The following GNB1L variants were observed in gnomAD, a reference collection of about 807,000 sequenced individuals.
The protein encoded by GNB1L is G protein subunit beta 1 like, also known as guanine nucleotide-binding protein subunit beta-like protein 1.
GNB1L carries 20 observed loss-of-function variants against 29.1 expected under a neutral mutation model. The observed-to-expected ratio is 0.69, with a 90% CI of 0.48 to 1.00. GNB1L has a LOEUF of 1.00. Ranked by LOEUF, GNB1L falls within the 50% of genes least tolerant of loss-of-function variation. The pLI is 0.00. For synonymous variants in GNB1L, 193 were observed against 206.5 expected (o/e 0.93, Z 0.56); for missense variants, 421 against 464.9 (o/e 0.91, Z 0.87).
intron 1 of GNB1L, 106 bp from the exon 2 acceptor site, chr22:19,854,645 A>G (rs1002983775): frequency 3.3e-5 from 5 of 152,496 alleles, no homozygotes; most frequent in Non-Finnish European, 7.3e-5. Context: ...GCCCCCACAA[A>G]CCCCCGGCGC....
chr22:19,851,850 G>A (rs547046193), intron 2 of GNB1L: 79 of 1,613,806 alleles, frequency 4.9e-5, no homozygotes, highest in Non-Finnish European at 6.2e-5. Context: ...TCGCAGACAC[G>A]GCTGATGTTG....
At chr22:19,809,350 G>A (rs1601329168) in intron 5 of GNB1L, among the ~76,000 whole-genome samples, 1 of 152,006 alleles carries the variant, frequency 6.6e-6, no homozygotes, top group South Asian at 2.1e-4. Context: ...CCAACTCCAG[G>A]GGAAAACCAT....
intron 4 of GNB1L, among the ~76,000 whole-genome samples, chr22:19,818,977 G>A (rs148608050): frequency 2.9e-4 from 44 of 152,262 alleles, no homozygotes; most frequent in African/African-American, 1.0e-3. Flanking sequence ...AGCCCCTCAC[G>A]CACCTGCCCC....
At chr22:19,797,571 C>A (rs1299935800) in intron 7 of GNB1L, among the ~76,000 whole-genome samples, 1 of 152,202 alleles carries the variant, frequency 6.6e-6, no homozygotes, top group African/African-American at 2.4e-5. Context: ...GGAGCCTCGC[C>A]TGGCGAGGAG....
At chr22:19,848,528 C>T (rs1455187474) in intron 2 of GNB1L, 2 of 985,526 alleles carry the variant, frequency 2.0e-6, no homozygotes, top group South Asian at 4.7e-5. Context: ...CAGAGTCCAT[C>T]GTTGCCTCCA....
rs1938079175 is a variant in GNB1L at position 19,850,917 on chromosome 22, C to T, written c.-21+3526G>A. On this transcript the variant is annotated intron_variant, in intron 2 of 7. Coordinates refer to ENST00000329517, the MANE Select transcript of GNB1L (RefSeq NM_053004.3). The stretch of plus-strand genomic sequence containing the variant: ...AGCAGGCCTGGGTGAGACGGCACTC[C>T]CAGAAGACGGGCAGGGATGCAGCAG... 2.2e-6 allele frequency: 3 copies of T among 1,363,386 alleles called. No homozygotes were observed. In the South Asian group the frequency reaches 6.2e-5, roughly 28 times the overall value. 84.5% of individuals were successfully genotyped at this position (1,363,386 alleles called of 1,614,324 possible). A position where few individuals can be genotyped will look rare whatever the true frequency, so the allele number is the denominator to read the frequency against.
intron 7 of GNB1L, chr22:19,792,670 G>A (rs1477683595): frequency 1.1e-5 from 16 of 1,483,318 alleles, no homozygotes; most frequent in Admixed American, 1.7e-5. Context: ...GCTGGCAAAC[G>A]GGACGTCCCC....
chr22:19,820,514 T>G, intron 4 of GNB1L, 84 bp downstream of exon 4: 1 of 1,433,026 alleles, frequency 7.0e-7, no homozygotes, highest in Non-Finnish European at 9.6e-7. Context: ...ATTCTGCCCC[T>G]CAGTGGGGGA....
At chr22:19,824,910 G>A (rs910668278) in intron 2 of GNB1L, among the ~76,000 whole-genome samples, 5 of 152,222 alleles carry the variant, frequency 3.3e-5, no homozygotes, top group African/African-American at 1.2e-4. Flanking sequence ...ATGCCAGACA[G>A]GCCTCAGCTC....
In GNB1L at chr22:19,789,836, CAAA is replaced by C. The variant is rs574569982; in HGVS notation, c.733-879_733-877del. 4.3e-3 allele frequency among the ~76,000 whole-genome samples: 460 copies of C among 107,684 alleles called. 1 individual carries two copies. The highest frequency in any genetic ancestry group is 6.5e-3 in the Non-Finnish European group (320 of 48,920). 70.6% of individuals were successfully genotyped at this position (107,684 alleles called of 152,430 possible). A position where few individuals can be genotyped will look rare whatever the true frequency, so the allele number is the denominator to read the frequency against. On this transcript the variant is annotated intron_variant, in intron 7 of 7. Coordinates refer to ENST00000329517, the MANE Select transcript of GNB1L (RefSeq NM_053004.3). ...TGGGCGACAGAGTGAGACCCTGTCT[CAAA>C]AAAAAAAAAAAAAAAAGATACGCTC... is the stretch of plus-strand genomic sequence containing the variant.
intron 4 of GNB1L, among the ~76,000 whole-genome samples, chr22:19,818,787 T>C (rs1937555465): frequency 6.6e-6 from 1 of 152,152 alleles, no homozygotes; most frequent in South Asian, 2.1e-4. Context: ...AGCAGGCCCG[T>C]GCTCAGGATT....
intron 4 of GNB1L, among the ~76,000 whole-genome samples, chr22:19,819,568 G>T (rs1937561709): frequency 6.6e-6 from 1 of 152,230 alleles, no homozygotes; most frequent in Admixed American, 6.5e-5. Flanking sequence ...ACGGAGGGTA[G>T]GGTCACACTG....
intron 2 of GNB1L, among the ~76,000 whole-genome samples, chr22:19,824,801 A>T (rs894215986): frequency 6.6e-6 from 1 of 152,224 alleles, no homozygotes; most frequent in African/African-American, 2.4e-5. Context: ...CCACACCTGC[A>T]GGGCCTTCCT....
At chr22:19,795,204 G>A (rs767558422) in intron 7 of GNB1L, among the ~76,000 whole-genome samples, 10 of 152,156 alleles carry the variant, frequency 6.6e-5, no homozygotes, top group Non-Finnish European at 1.5e-4. Flanking sequence ...GCACCAAGAT[G>A]AGGTGACATC....
chr22:19,800,613 C>T (rs1017869766), intron 7 of GNB1L, among the ~76,000 whole-genome samples: 1 of 152,218 alleles, frequency 6.6e-6, no homozygotes, highest in Non-Finnish European at 1.5e-5. Flanking sequence ...ACCACCCAGG[C>T]CTGCTAAGCC....
intron 2 of GNB1L, chr22:19,847,226 G>A: frequency 1.0e-6 from 1 of 985,482 alleles, no homozygotes. Context: ...CAGCCACGGT[G>A]GCCCACAGGT....
rs181133678 is a variant in GNB1L, at chr22:19,849,054, G to A, written c.-21+5389C>T. 5.1e-4 allele frequency: 503 copies of A among 985,436 alleles called. 1 individual carries two copies. The highest frequency in any genetic ancestry group is 3.7e-3 in the Middle Eastern group (7 of 1,914). The allele number at this position is 985,436 out of a possible 1,614,324, so 61.0% of individuals were successfully genotyped here. On this transcript the variant is annotated intron_variant, in intron 2 of 7. Coordinates refer to ENST00000329517, the MANE Select transcript of GNB1L (RefSeq NM_053004.3). ...GGGGATGGGGCCTGAGTCATCGGAC[G>A]GAGGGCAGCTGTGACCTGGCACAGA...
chr22:19,825,389 G>A (rs1383716293), intron 2 of GNB1L, among the ~76,000 whole-genome samples: 2 of 152,344 alleles, frequency 1.3e-5, no homozygotes, highest in African/African-American at 2.4e-5. Context: ...GGAGGCCGAG[G>A]TGGGAGGATT....
intron 4 of GNB1L, among the ~76,000 whole-genome samples, chr22:19,815,035 CAA>C (rs761875223): frequency 2.8e-4 from 29 of 104,568 alleles, no homozygotes; most frequent in Admixed American, 4.1e-4. Context: ...GACCCTGCCT[CAA>C]AAAAAAAAAA....
Sources: allele counts gnomAD v4.1 joint callset (sites outside exome capture counted in the v4.1 genomes callset), GRCh38; gene constraint gnomAD v4.1.1; transcripts MANE v1.5; gene names NCBI Gene and HGNC (gene_info 2026-07-23, HGNC 2026-07-21).